RNLS: variants seen among roughly 807,000 people sequenced by gnomAD.
The protein encoded by RNLS is renalase, FAD dependent amine oxidase.
RNLS carries 39 observed loss-of-function variants against 39.8 expected under a neutral mutation model. The ratio of observed to expected loss-of-function variants is 0.98; its 90% CI spans 0.76 to 1.28. The LOEUF (loss-of-function observed/expected upper bound fraction) is 1.28, where lower values mean the gene tolerates loss of function less well. Among genes scored for constraint, RNLS ranks in the 50% most tolerant of loss-of-function variants. RNLS has a pLI of 0.00. For synonymous variants in RNLS, 147 were observed against 150.7 expected, an observed-to-expected ratio of 0.98 and a Z score of 0.18; for missense variants, 410 against 413.3, an observed-to-expected ratio of 0.99 and a Z score of 0.07.
At chr10:88,390,635 CA>C (rs758307349) in intron 4 of RNLS, among the ~76,000 whole-genome samples, 3 of 152,132 alleles carry the variant, frequency 2.0e-5, no homozygotes, top group Non-Finnish European at 4.4e-5. Flanking sequence ...AGCCAAAAAA[CA>C]ACTAACAGCT....
intron 3 of RNLS, among the ~76,000 whole-genome samples, chr10:88,577,979 A>T (rs1850311141): frequency 6.6e-6 from 1 of 152,200 alleles, no homozygotes; most frequent in South Asian, 2.1e-4. Context: ...TGGTTGGTCC[A>T]TCAGATTGTG....
At chr10:88,401,550 T>C (rs1485601304) in intron 4 of RNLS, among the ~76,000 whole-genome samples, 2 of 152,074 alleles carry the variant, frequency 1.3e-5, no homozygotes, top group African/African-American at 4.8e-5. Context: ...AGAATTATCA[T>C]GAGCAATTCT....
chr10:88,398,032 T>G (rs1405240009), intron 4 of RNLS, among the ~76,000 whole-genome samples: 1 of 152,020 alleles, frequency 6.6e-6, no homozygotes. Flanking sequence ...GATATCTACA[T>G]AAAAAAGAAT....
At chr10:88,313,716 C>T (rs1430382532) in intron 6 of RNLS, among the ~76,000 whole-genome samples, 1 of 152,116 alleles carries the variant, frequency 6.6e-6, no homozygotes, top group African/African-American at 2.4e-5. Context: ...CTCAGAAATC[C>T]CAGGAAAAAA....
intron 5 of RNLS, among the ~76,000 whole-genome samples, chr10:88,328,513 G>A (rs140185960): frequency 4.6e-5 from 7 of 152,024 alleles, no homozygotes; most frequent in East Asian, 1.9e-4. Flanking sequence ...ATGTTTGCAC[G>A]TTTCTTTTTT....
intron 4 of RNLS, among the ~76,000 whole-genome samples, chr10:88,418,661 C>T (rs972524894): frequency 4.6e-5 from 7 of 152,136 alleles, no homozygotes; most frequent in Admixed American, 2.0e-4. Context: ...TCTTCTGTCT[C>T]TATTAGCAGA....
chr10:88,570,987 T>G (rs1401381265), intron 4 of RNLS, among the ~76,000 whole-genome samples: 1 of 125,810 alleles, frequency 7.9e-6, no homozygotes, highest in African/African-American at 3.4e-5. Flanking sequence ...TTTTTTTGGT[T>G]TGTTTTTTTT....
chr10:88,186,508 G>A, the RNLS span, among the ~76,000 whole-genome samples: 2 of 152,136 alleles, frequency 1.3e-5, no homozygotes, highest in South Asian at 4.1e-4. Flanking sequence ...AGAATGTTGA[G>A]TGACTCAATC....
At chr10:88,218,293 G>A in the RNLS span, among the ~76,000 whole-genome samples, 2 of 152,286 alleles carry the variant, frequency 1.3e-5, no homozygotes, top group African/African-American at 4.8e-5. Context: ...GACTAGAGAG[G>A]GATCACAGAA....
At chr10:88,529,693 C>A (rs961665984) in intron 4 of RNLS, among the ~76,000 whole-genome samples, 2 of 152,126 alleles carry the variant, frequency 1.3e-5, no homozygotes, top group Non-Finnish European at 2.9e-5. Context: ...ATAATTATTT[C>A]AAGAGAAGAT....
At chr10:88,566,176 T>G (rs1183526145) in intron 4 of RNLS, among the ~76,000 whole-genome samples, 2 of 152,106 alleles carry the variant, frequency 1.3e-5, no homozygotes, top group African/African-American at 4.8e-5. Context: ...AAATTATTTC[T>G]GATTCATGAA....
intron 4 of RNLS, among the ~76,000 whole-genome samples, chr10:88,501,337 T>G (rs930106414): frequency 6.6e-6 from 1 of 152,236 alleles, no homozygotes; most frequent in East Asian, 1.9e-4. Context: ...ATAATTTGGT[T>G]GTAAAGAAAA....
At chr10:88,411,872 T>C (rs979901377) in intron 4 of RNLS, among the ~76,000 whole-genome samples, 1 of 135,406 alleles carries the variant, frequency 7.4e-6, no homozygotes, top group Non-Finnish European at 1.8e-5. Flanking sequence ...AAGTAGAACA[T>C]GAGTCACATG....
intron 4 of RNLS, among the ~76,000 whole-genome samples, chr10:88,486,894 A>G (rs973166360): frequency 2.0e-5 from 3 of 152,212 alleles, no homozygotes; most frequent in South Asian, 2.1e-4. Context: ...TCATTCTACC[A>G]TAAAGACACA....
intron 4 of RNLS, among the ~76,000 whole-genome samples, chr10:88,548,762 C>T (rs1848465976): frequency 6.7e-6 from 1 of 148,334 alleles, no homozygotes; most frequent in Admixed American, 6.7e-5. Flanking sequence ...ATATATGTAG[C>T]CCTATGTATA....
intron 6 of RNLS, 25 bp downstream of exon 6, chr10:88,314,441 T>G (rs778944090): frequency 6.8e-6 from 11 of 1,611,144 alleles, no homozygotes; most frequent in Non-Finnish European, 9.3e-6. Flanking sequence ...ATTGTTGTGC[T>G]TAGACCACTG....
chr10:88,516,026 G>C (rs368883783), intron 4 of RNLS, among the ~76,000 whole-genome samples: 1 of 152,016 alleles, frequency 6.6e-6, no homozygotes, highest in African/African-American at 2.4e-5. Flanking sequence ...ACAAAATAAA[G>C]ACCTTGTAAG....
intron 6 of RNLS, among the ~76,000 whole-genome samples, chr10:88,278,164 G>A (rs1842880089): frequency 6.6e-6 from 1 of 152,092 alleles, no homozygotes; most frequent in African/African-American, 2.4e-5. Context: ...ATTGGTTAGA[G>A]TGCTGTTCAG....
At chr10:88,553,647 G>A (rs560274950) in intron 4 of RNLS, among the ~76,000 whole-genome samples, 1 of 152,204 alleles carries the variant, frequency 6.6e-6, no homozygotes, top group South Asian at 2.1e-4. Context: ...TATATATAAT[G>A]CACTAAATTT....
Sources: gnomAD v4.1 joint callset for allele counts (sites outside exome capture counted in the v4.1 genomes callset) on GRCh38, gnomAD v4.1.1 for gene constraint, MANE v1.5 for transcripts, NCBI Gene and HGNC (gene_info 2026-07-23, HGNC 2026-07-21) for gene names.